Variants in SLC31A2 observed in about 807,000 individuals in gnomAD.
The protein encoded by SLC31A2 is protein SLC31A2.
In SLC31A2, 16 loss-of-function variants were observed where a neutral mutation model predicts 14.4. The observed-to-expected ratio is 1.11, with a 90% confidence interval of 0.75 to 1.69. SLC31A2 has a LOEUF of 1.69. SLC31A2 is among the 40% of genes most tolerant of loss of function. The probability of loss-of-function intolerance (pLI) is 0.00; values close to 1 mark genes in which losing one functional copy is unlikely to be tolerated. For synonymous variants in SLC31A2, 56 were observed against 68.7 expected (o/e 0.82, Z 0.91); for missense variants, 140 against 173.9 (o/e 0.81, Z 1.10).
At position 113,163,539 on chromosome 9, in the gene SLC31A2, A is replaced by AATG. The variant is rs1830050599; in HGVS notation, c.*625_*627dup. 1 of 152,664 alleles carries AATG rather than the reference A, an allele frequency of 6.6e-6. No individual in the cohort carries two copies. Among genetic ancestry groups the AATG allele is most frequent in the African/African-American group, 2.4e-5 (1 of 41,452 alleles). The allele number at this position is 152,664 out of a possible 1,614,324, so 9.5% of individuals were successfully genotyped here. A position where few individuals can be genotyped will look rare whatever the true frequency, so the allele number is the denominator to read the frequency against. ...ATTCATACAAAAAAATTTTTAATGA[A>AATG]ATGATTTCATTGATTCATGATGGAT... is the stretch of plus-strand genomic sequence containing the variant. On this transcript the variant is annotated 3_prime_UTR_variant, in exon 4 of 4. Transcript: ENST00000259392.
intron 3 of SLC31A2, 179 bp from the exon 4 acceptor site, chr9:113,162,570 G>C (rs995401146): frequency 1.0e-5 from 5 of 490,532 alleles, no homozygotes; most frequent in Non-Finnish European, 1.7e-5. Context: ...AATAAATCTC[G>C]AGTTTTTTCT....
rs1321065465 is a variant in SLC31A2, at chr9:113,164,009, T to C, written c.*1092T>C. ...TCTGGATAGTTGAACCTCTTCACTT[T>C]ATAAAAAAGGAAAGAGAGAAAATCA... On this transcript the variant is annotated 3_prime_UTR_variant, in exon 4 of 4. Transcript: ENST00000259392. 1.3e-5 allele frequency: 2 copies of C among 152,618 alleles called. No individual in the cohort carries two copies. Among genetic ancestry groups the C allele is most frequent in the Admixed American group, 6.5e-5 (1 of 15,286 alleles). 9.5% of individuals were successfully genotyped at this position (152,618 alleles called of 1,614,324 possible).
intron 1 of SLC31A2, among the ~76,000 whole-genome samples, chr9:113,152,900 A>T (rs562842345): frequency 1.4e-4 from 21 of 152,354 alleles, no homozygotes; most frequent in South Asian, 8.3e-4. Flanking sequence ...TGACTGATTA[A>T]TTAGCCACTA....
At chr9:113,160,198 T>C (rs946011857) in intron 2 of SLC31A2, among the ~76,000 whole-genome samples, 16 of 151,104 alleles carry the variant, frequency 1.1e-4, no homozygotes, top group African/African-American at 3.4e-4. Flanking sequence ...CGAGACTCCA[T>C]CTAAAAAAAA....
Position 113,162,888 on chromosome 9 carries a change from C to G in SLC31A2, c.403C>G (p.Leu135Val). The G allele has an allele frequency of 6.2e-7, 1 of 1,612,186 alleles. No individual in the cohort carries two copies. Among genetic ancestry groups the G allele is most frequent in the Non-Finnish European group, 8.5e-7 (1 of 1,179,342 alleles). ...VVLGSAVGYY[L>V]AYPLLSTA ...CTTGGGCTCTGCTGTGGGCTACTAC[C>G]TAGCTTACCCACTTCTCAGCACAGC... The change falls in exon 4 of 4, where the codon CTA becomes GTA. Residue 135 changes from leucine to valine, a missense_variant. By Grantham distance (32) the Leu-to-Val change is conservative. Transcript: ENST00000259392.
chr9:113,154,508 A>G (rs1003910668), intron 1 of SLC31A2, among the ~76,000 whole-genome samples: 30 of 152,264 alleles, frequency 2.0e-4, no homozygotes, highest in African/African-American at 6.5e-4. Flanking sequence ...GTTAAAATCT[A>G]TGTCTTCCCT....
At chr9:113,156,339 G>A (rs1244602890) in intron 1 of SLC31A2, among the ~76,000 whole-genome samples, 1 of 151,998 alleles carries the variant, frequency 6.6e-6, no homozygotes, top group Non-Finnish European at 1.5e-5. Flanking sequence ...GGGTGGAGAG[G>A]GACTCAAGTT....
At chr9:113,155,469 T>C (rs1015620114) in intron 1 of SLC31A2, among the ~76,000 whole-genome samples, 1 of 152,222 alleles carries the variant, frequency 6.6e-6, no homozygotes, top group African/African-American at 2.4e-5. Flanking sequence ...GAAGAGTGCC[T>C]GGCACAGAAT....
chr9:113,157,318 G>A (rs1239142691), intron 1 of SLC31A2, among the ~76,000 whole-genome samples: 1 of 152,330 alleles, frequency 6.6e-6, no homozygotes, highest in Non-Finnish European at 1.5e-5. Context: ...GGACAAAGAG[G>A]ACTCCAGGCT....
intron 2 of SLC31A2, among the ~76,000 whole-genome samples, chr9:113,160,749 C>T (rs1830000659): frequency 6.6e-6 from 1 of 152,108 alleles, no homozygotes; most frequent in South Asian, 2.1e-4. Context: ...AGTTTGGCTC[C>T]CCTGGCAACC....
At position 113,159,808 on chromosome 9, in the gene SLC31A2, G is replaced by C. The variant is rs553989340; in HGVS notation, c.74-1701G>C. Among the ~76,000 whole-genome samples the C allele has an allele frequency of 4.6e-5, 7 of 152,302 alleles. No individual in the cohort carries two copies. In the East Asian group the frequency reaches 1.3e-3, roughly 29 times the overall value. ...TTCTGGCCAACTGGCTATATGTCAG[G>C]GTTCCCATAACGCCTTTGTTGGGAT... On this transcript the variant is annotated intron_variant, in intron 2 of 3. Coordinates refer to ENST00000259392, the MANE Select transcript of SLC31A2 (RefSeq NM_001860.3).
Position 113,151,108 on chromosome 9 carries a change from G to A in SLC31A2, c.6+28G>A. The stretch of plus-strand genomic sequence containing the variant: ...AAGGGCCGGGCGCTACGGTGAAGAG[G>A]GTGGGCGGTTGGGGCGGGGTCTCCT... On this transcript the variant is annotated intron_variant, in intron 1 of 3. Transcript: ENST00000259392. This position sits in a 1 kb window ranked among gnomAD's most constrained non-coding sequence, Gnocchi z 4.2. 1 of 1,299,772 alleles carries A rather than the reference G, an allele frequency of 7.7e-7. No individual in the cohort carries two copies. The highest frequency in any genetic ancestry group is 9.8e-7 in the Non-Finnish European group (1 of 1,016,250). 80.5% of individuals were successfully genotyped at this position (1,299,772 alleles called of 1,614,324 possible). A position where few individuals can be genotyped will look rare whatever the true frequency, so the allele number is the denominator to read the frequency against.
At position 113,157,770 on chromosome 9, in the gene SLC31A2, T is replaced by G; in HGVS notation, c.50T>G (p.Phe17Cys). Residue 17 changes from phenylalanine to cysteine, a missense_variant, in exon 2 of 4, where the codon TTC (phenylalanine) becomes TGC (cysteine). Transcript: ENST00000259392. The stretch of plus-strand genomic sequence containing the variant: ...GATACAGCGGTGCTTCTGTTTGATT[T>G]CTGGAGTGTCCACAGTCCTGCTGGT... ...FSDTAVLLFD[F>C]WSVHSPAGMA... 1 of 1,613,304 alleles carries G rather than the reference T, an allele frequency of 6.2e-7. No homozygotes were observed. The highest frequency in any genetic ancestry group is 8.5e-7 in the Non-Finnish European group (1 of 1,179,596).
chr9:113,162,016 TGG>T, intron 3 of SLC31A2: 1 of 435,012 alleles, frequency 2.3e-6, no homozygotes, highest in East Asian at 5.5e-5. Flanking sequence ...ACCAGTTCCA[TGG>T]GTCACTAGGC....
chr9:113,153,857 G>A (rs1211467987), intron 1 of SLC31A2, among the ~76,000 whole-genome samples: 2 of 152,054 alleles, frequency 1.3e-5, no homozygotes, highest in Non-Finnish European at 2.9e-5. Context: ...AGTGTAGGGA[G>A]TAGAACAGCC....
At chr9:113,162,722 A>G (rs545106469) in intron 3 of SLC31A2, 27 bp from the exon 4 acceptor site, 1 of 1,597,586 alleles carries the variant, frequency 6.3e-7, no homozygotes, top group Admixed American at 1.7e-5. Context: ...CATTACCAGG[A>G]TTAACTTGCT....
intron 3 of SLC31A2, chr9:113,162,196 C>T (rs1054770046): frequency 7.0e-6 from 2 of 285,478 alleles, no homozygotes; most frequent in African/African-American, 4.6e-5. Flanking sequence ...CTTAATAAGC[C>T]TGCCCGCTCC....
chr9:113,155,063 A>G (rs1020490103), intron 1 of SLC31A2, among the ~76,000 whole-genome samples: 1 of 152,230 alleles, frequency 6.6e-6, no homozygotes, highest in African/African-American at 2.4e-5. Flanking sequence ...TCTTCCTGAA[A>G]TGTTAAAACA....
intron 1 of SLC31A2, among the ~76,000 whole-genome samples, chr9:113,154,238 T>C (rs951718641): frequency 1.3e-5 from 2 of 152,126 alleles, no homozygotes; most frequent in Admixed American, 6.5e-5. Context: ...GAGTTCAAGA[T>C]GGGAGCCTGT....
Sources: allele counts gnomAD v4.1 joint callset (sites outside exome capture counted in the v4.1 genomes callset), GRCh38; gene constraint gnomAD v4.1.1; non-coding constraint Gnocchi (gnomAD v3.1); transcripts MANE v1.5; gene names NCBI Gene and HGNC (gene_info 2026-07-23, HGNC 2026-07-21).